SPINK2: variants seen among roughly 807,000 people sequenced by gnomAD.
SPINK2 encodes serine protease inhibitor Kazal-type 2.
In SPINK2, 8 loss-of-function variants were observed where a neutral mutation model predicts 13.5. That is an observed-to-expected ratio of 0.59 (90% confidence interval 0.35 to 1.07). The LOEUF (loss-of-function observed/expected upper bound fraction) is 1.07, where lower values mean the gene tolerates loss of function less well. SPINK2 is among the 50% of genes least tolerant of loss of function. The pLI, the probability that SPINK2 is intolerant of heterozygous loss-of-function variation, is 0.02. For synonymous variants in SPINK2, 76 were observed against 74.7 expected (o/e 1.02, Z -0.09); for missense variants, 148 against 180.3 (o/e 0.82, Z 1.03).
At chr4:56,819,427 A>C (rs754838597) in intron 2 of SPINK2, among the ~76,000 whole-genome samples, 15 of 151,978 alleles carry the variant, frequency 9.9e-5, no homozygotes, top group Non-Finnish European at 1.6e-4. Context: ...ATAAAACAGA[A>C]CTCTGACCCA....
intron 2 of SPINK2, 45 bp from the exon 3 acceptor site, chr4:56,811,839 C>T: frequency 8.3e-7 from 1 of 1,204,606 alleles, no homozygotes; most frequent in Non-Finnish European, 1.2e-6. Flanking sequence ...TTGAGACACA[C>T]TCATATAAAA....
At chr4:56,811,841 C>A in intron 2 of SPINK2, 47 bp from the exon 3 acceptor site, 2 of 1,113,854 alleles carry the variant, frequency 1.8e-6, no homozygotes, top group South Asian at 1.3e-5. Flanking sequence ...GAGACACACT[C>A]ATATAAAATA....
chr4:56,814,062 T>A (rs1354659915), intron 2 of SPINK2, among the ~76,000 whole-genome samples: 10 of 151,582 alleles, frequency 6.6e-5, no homozygotes. Flanking sequence ...TGGGTAGGAT[T>A]AAAGGCACCC....
In SPINK2 at chr4:56,821,617, T is replaced by C. The variant is rs1432798625; in HGVS notation, c.46A>G (p.Thr16Ala). ...LRLALLLLAV[T>A]FAGSARSGPG... ...CCGCTCCGAGCGCTACCTGCGAAGGTAACTGCCAGGAGCAGCAGCGCCAAG... is the reference window on the plus strand; with the variant it reads ...CCGCTCCGAGCGCTACCTGCGAAGGCAACTGCCAGGAGCAGCAGCGCCAAG... Residue 16 changes from threonine (T) to alanine (A), a missense_variant, in exon 1 of 4, where the codon ACC becomes GCC. Coordinates refer to ENST00000506738, the MANE Select transcript of SPINK2 (RefSeq NM_001271718.2). 1 of 1,549,748 alleles carries C rather than the reference T, an allele frequency of 6.5e-7. No individual in the cohort carries two copies. Among genetic ancestry groups the C allele is most frequent in the African/African-American group, 1.4e-5 (1 of 73,026 alleles).
At chr4:56,817,567 C>A (rs1423608979) in intron 2 of SPINK2, among the ~76,000 whole-genome samples, 2 of 152,072 alleles carry the variant, frequency 1.3e-5, no homozygotes, top group East Asian at 3.9e-4. Context: ...CTACAGTAAT[C>A]AGGCCGGGTG....
At position 56,821,553 on chromosome 4, in the gene SPINK2, C is replaced by T. The variant is rs781544; in HGVS notation, c.110G>A (p.Gly37Glu). 133,077 of 1,546,526 alleles carry T rather than the reference C, an allele frequency of 0.086. 13,192 individuals are homozygous for T. Among genetic ancestry groups the T allele is most frequent in the African/African-American group, 0.48 (35,024 of 72,676 alleles). ...GCAGGGTCCGCCGCCGGTCTGACTC[C>T]CAAACCCGCTTTTCTCCGGAGGTCC... ...ERGPPEKSGF[G>E]SQTGGGPCPA... Residue 37 changes from glycine (G) to glutamate (E), a missense_variant, in exon 1 of 4, where the codon GGG (glycine) becomes GAG (glutamate). Gly to Glu is a moderately conservative substitution (Grantham distance 98). Transcript: ENST00000506738.
intron 2 of SPINK2, among the ~76,000 whole-genome samples, chr4:56,820,281 A>G (rs1253021492): frequency 6.6e-6 from 1 of 152,222 alleles, no homozygotes; most frequent in Non-Finnish European, 1.5e-5. Context: ...AGTACATAAA[A>G]TATCTAGTAC....
intron 3 of SPINK2, chr4:56,810,470 A>G (rs1001675296): frequency 4.0e-5 from 13 of 328,800 alleles, no homozygotes; most frequent in African/African-American, 2.9e-4. Flanking sequence ...TGGGAGGCCA[A>G]GGTGGGTGGA....
intron 1 of SPINK2, 144 bp downstream of exon 1, chr4:56,821,313 TG>T (rs1347177581): frequency 1.4e-6 from 2 of 1,395,308 alleles, no homozygotes; most frequent in African/African-American, 3.0e-5. Context: ...CTCCTCATCT[TG>T]GGCACCTGAA....
chr4:56,814,960 C>CAAAAAAA (rs5858398), intron 2 of SPINK2, among the ~76,000 whole-genome samples: 1 of 102,544 alleles, frequency 9.8e-6, no homozygotes. Flanking sequence ...GACTCCGTCT[C>CAAAAAAA]AAAAAAAAAA....
At chr4:56,820,638 G>C in intron 1 of SPINK2, 59 bp from the exon 2 acceptor site, 2 of 1,399,434 alleles carry the variant, frequency 1.4e-6, no homozygotes, top group South Asian at 1.2e-5. Context: ...TATTGTTCAT[G>C]AAGTTTTTTT....
chr4:56,821,612 G>A lies in SPINK2; in HGVS notation c.51C>T (p.Phe17=). The change falls in exon 1 of 4, where the codon TTC becomes TTT. Residue 17 remains phenylalanine, a synonymous_variant. Coordinates refer to ENST00000506738, the MANE Select transcript of SPINK2 (RefSeq NM_001271718.2). ...CAGGACCGCTCCGAGCGCTACCTGC[G>A]AAGGTAACTGCCAGGAGCAGCAGCG... The part of the protein sequence containing the change: ...RLALLLLAVT[F]AGSARSGPGE... The A allele has an allele frequency of 1.3e-6, 2 of 1,549,728 alleles. No individual in the cohort carries two copies.
chr4:56,821,144 C>G (rs1717902146), intron 1 of SPINK2, among the ~76,000 whole-genome samples: 1 of 152,190 alleles, frequency 6.6e-6, no homozygotes, highest in Non-Finnish European at 1.5e-5. Flanking sequence ...CTTTACAACT[C>G]GGGGTAACAA....
upstream of SPINK2, chr4:56,821,757 A>G (rs1254843204): frequency 7.4e-6 from 9 of 1,217,830 alleles, no homozygotes; most frequent in Non-Finnish European, 7.5e-6. Context: ...GGGCGGGGGA[A>G]GGGGCGGGGC....
chr4:56,811,520 G>T (rs1716971028), intron 3 of SPINK2, among the ~76,000 whole-genome samples, 165 bp downstream of exon 3: 1 of 151,854 alleles, frequency 6.6e-6, no homozygotes, highest in Non-Finnish European at 1.5e-5. Context: ...CAGAGGCTGA[G>T]GCACAAGAAT....
intron 2 of SPINK2, chr4:56,818,174 A>G (rs981370859): frequency 2.0e-5 from 3 of 152,218 alleles, no homozygotes; most frequent in Non-Finnish European, 2.9e-5. Context: ...GGAAATAAGG[A>G]AGAAAAACCA....
chr4:56,811,886 T>C (rs1717008096), intron 2 of SPINK2, 92 bp from the exon 3 acceptor site: 1 of 504,964 alleles, frequency 2.0e-6, no homozygotes, highest in Non-Finnish European at 3.4e-6. Flanking sequence ...TCTCCCTAGA[T>C]TTCCTAGAAT....
chr4:56,821,794 G>A (rs1415502590), upstream of SPINK2: 10 of 1,012,492 alleles, frequency 9.9e-6, no homozygotes, highest in Non-Finnish European at 1.3e-5. Flanking sequence ...GCAGCGGTAG[G>A]TGGCGAGGGA....
At position 56,811,805 on chromosome 4, in the gene SPINK2, G is replaced by C. The variant is rs199971552; in HGVS notation, c.250-11C>G. 7 of 1,565,616 alleles carry C rather than the reference G, an allele frequency of 4.5e-6. No homozygotes were observed. The East Asian group carries it at 1.6e-4, about 36-fold the overall frequency. On this transcript the variant is annotated splice_polypyrimidine_tract_variant and intron_variant, in intron 2 of 3. Transcript: ENST00000506738. ...CTGAGAGCAGTTTGGCTGGAAAAAAGAAAGAGAGAAATTCGAGAATGACTT... is the reference window on the plus strand; with the variant it reads ...CTGAGAGCAGTTTGGCTGGAAAAAACAAAGAGAGAAATTCGAGAATGACTT...
Sources: allele counts gnomAD v4.1 joint callset (sites outside exome capture counted in the v4.1 genomes callset), GRCh38; gene constraint gnomAD v4.1.1; transcripts MANE v1.5; gene names NCBI Gene and HGNC (gene_info 2026-07-23, HGNC 2026-07-21).